The following LDB2 variants were observed in gnomAD, a reference collection of about 807,000 sequenced individuals.
LDB2 encodes the protein LIM domain binding 2.
LDB2 carries 12 observed loss-of-function variants against 44.3 expected under a neutral mutation model. The ratio of observed to expected loss-of-function variants is 0.27; its 90% CI spans 0.17 to 0.44. LDB2 has a LOEUF of 0.44. Among genes scored for constraint, LDB2 ranks in the 20% least tolerant of loss-of-function variants. The probability of loss-of-function intolerance (pLI) is 1.00; values close to 1 mark genes in which losing one functional copy is unlikely to be tolerated. For synonymous variants in LDB2, 164 were observed against 174.8 expected (o/e 0.94, Z 0.49); for missense variants, 344 against 473.5 (o/e 0.73, Z 2.54).
chr4:16,730,526 T>C (rs1760515284), intron 2 of LDB2, among the ~76,000 whole-genome samples: 1 of 152,150 alleles, frequency 6.6e-6, no homozygotes, highest in Non-Finnish European at 1.5e-5. Context: ...ATTTGCAGAG[T>C]ATATGCTACA....
intron 1 of LDB2, among the ~76,000 whole-genome samples, chr4:16,824,752 C>T (rs778224807): frequency 2.0e-5 from 3 of 152,222 alleles, no homozygotes; most frequent in African/African-American, 4.8e-5. Context: ...ACCCACAACA[C>T]GGGTGTTCAC....
chr4:16,799,534 T>C (rs1039305136), intron 1 of LDB2, among the ~76,000 whole-genome samples: 1 of 152,242 alleles, frequency 6.6e-6, no homozygotes, highest in Non-Finnish European at 1.5e-5. Context: ...TCCTTTCCTT[T>C]CCTTCAGGAA....
chr4:16,522,994 G>A (rs974952827), intron 5 of LDB2, among the ~76,000 whole-genome samples: 3 of 152,190 alleles, frequency 2.0e-5, no homozygotes, highest in Admixed American at 2.0e-4. Context: ...GTTCAGCCAA[G>A]GCACTAAAAA....
chr4:16,535,107 CG>C (rs1376850261), intron 5 of LDB2, among the ~76,000 whole-genome samples: 1 of 152,168 alleles, frequency 6.6e-6, no homozygotes, highest in Non-Finnish European at 1.5e-5. Flanking sequence ...CAAGGGGCTT[CG>C]GGTCAGCTGC....
chr4:16,673,247 G>T (rs1289406182), intron 2 of LDB2, among the ~76,000 whole-genome samples: 1 of 152,230 alleles, frequency 6.6e-6, no homozygotes, highest in African/African-American at 2.4e-5. Flanking sequence ...ACATCAGCCA[G>T]ACATCTTACC....
chr4:16,844,087 T>TA (rs71181192), intron 1 of LDB2, among the ~76,000 whole-genome samples: 48,665 of 117,622 alleles, frequency 0.41, 10,173 homozygotes, highest in East Asian at 0.61. Flanking sequence ...ACCCCATCTC[T>TA]AAAAAAAAAA....
chr4:16,828,837 T>C (rs956157089), intron 1 of LDB2, among the ~76,000 whole-genome samples: 3 of 152,170 alleles, frequency 2.0e-5, no homozygotes, highest in African/African-American at 7.2e-5. Flanking sequence ...GGTAATTGAA[T>C]AGAGAAATAC....
intron 2 of LDB2, among the ~76,000 whole-genome samples, chr4:16,733,323 T>C (rs1761147696): frequency 6.6e-6 from 1 of 151,732 alleles, no homozygotes; most frequent in South Asian, 2.1e-4. Context: ...TGGAATAAAT[T>C]TGAACAGATA....
chr4:16,561,951 G>A (rs988408485), intron 5 of LDB2, among the ~76,000 whole-genome samples: 21 of 152,086 alleles, frequency 1.4e-4, no homozygotes, highest in African/African-American at 5.1e-4. Flanking sequence ...CAAACCTGAG[G>A]AAAACAAGCA....
chr4:16,776,305 G>A (rs116116496), intron 1 of LDB2, among the ~76,000 whole-genome samples: 348 of 152,284 alleles, frequency 2.3e-3, no homozygotes, highest in Non-Finnish European at 4.4e-3. Flanking sequence ...ACTGCTTTAG[G>A]AATTTGTTGT....
intron 1 of LDB2, chr4:16,826,329 A>G (rs1783064338): frequency 6.6e-6 from 1 of 152,224 alleles, no homozygotes; most frequent in Non-Finnish European, 1.5e-5. Context: ...TAACCTTCCA[A>G]GTCATATTTA....
intron 1 of LDB2, among the ~76,000 whole-genome samples, chr4:16,819,125 T>C (rs1781491823): frequency 6.9e-6 from 1 of 144,636 alleles, no homozygotes; most frequent in Admixed American, 7.1e-5. Context: ...TGTGTGTGTG[T>C]GTACAGGTCT....
intron 2 of LDB2, among the ~76,000 whole-genome samples, chr4:16,688,966 TCAAA>T (rs1349964289): frequency 6.6e-6 from 1 of 152,222 alleles, no homozygotes; most frequent in East Asian, 1.9e-4. Flanking sequence ...TTTATTTATT[TCAAA>T]CAGAGGGAAT....
At chr4:16,842,872 A>G (rs1786152260) in intron 1 of LDB2, among the ~76,000 whole-genome samples, 1 of 152,210 alleles carries the variant, frequency 6.6e-6, no homozygotes, top group African/African-American at 2.4e-5. Context: ...GACTTGTGAT[A>G]TAGGGCTACT....
At chr4:16,592,269 T>G (rs1343751861) in intron 3 of LDB2, among the ~76,000 whole-genome samples, 1 of 152,134 alleles carries the variant, frequency 6.6e-6, no homozygotes, top group Non-Finnish European at 1.5e-5. Context: ...TATAGCTGCA[T>G]AATACAATGA....
At chr4:16,850,725 G>A (rs1472787635) in intron 1 of LDB2, among the ~76,000 whole-genome samples, 1 of 152,142 alleles carries the variant, frequency 6.6e-6, no homozygotes. Context: ...ATTCTGGATT[G>A]GGTAGAAAGT....
At chr4:16,875,474 GA>G (rs1382865162) in intron 1 of LDB2, among the ~76,000 whole-genome samples, 2 of 151,996 alleles carry the variant, frequency 1.3e-5, no homozygotes, top group Non-Finnish European at 2.9e-5. Context: ...GAAGAAAAAA[GA>G]AAAAGAAAAC....
chr4:16,555,478 T>C (rs1739240550), intron 5 of LDB2, among the ~76,000 whole-genome samples: 1 of 152,194 alleles, frequency 6.6e-6, no homozygotes, highest in Non-Finnish European at 1.5e-5. Flanking sequence ...AACAAACATG[T>C]GCTTGCATGC....
chr4:16,884,456 T>C (rs1721056889), intron 1 of LDB2, among the ~76,000 whole-genome samples: 7 of 152,110 alleles, frequency 4.6e-5, no homozygotes, highest in Admixed American at 4.6e-4. Flanking sequence ...ACACACACAA[T>C]CATATACACA....
Sources: gnomAD v4.1 joint callset for allele counts (sites outside exome capture counted in the v4.1 genomes callset) on GRCh38, gnomAD v4.1.1 for gene constraint, MANE v1.5 for transcripts, NCBI Gene and HGNC (gene_info 2026-07-23, HGNC 2026-07-21) for gene names.